CFAP36: variants seen among roughly 807,000 people sequenced by gnomAD.
The protein encoded by CFAP36 is cilia and flagella associated protein 36.
A neutral mutation model predicts 50.5 loss-of-function variants in CFAP36; 37 were observed. The ratio of observed to expected loss-of-function variants is 0.73; its 90% CI spans 0.56 to 0.96. The LOEUF is 0.96. Ranked by LOEUF, CFAP36 falls within the 50% of genes least tolerant of loss-of-function variation. The probability of loss-of-function intolerance (pLI) is 0.00; values close to 1 mark genes in which losing one functional copy is unlikely to be tolerated. For synonymous variants in CFAP36, 138 were observed against 128.2 expected (o/e 1.08, Z -0.52); for missense variants, 407 against 396.2 (o/e 1.03, Z -0.23).
intron 7 of CFAP36, chr2:55,538,815 G>A: frequency 6.5e-7 from 1 of 1,540,866 alleles, no homozygotes; most frequent in Non-Finnish European, 8.7e-7. Context: ...CTCTTCAATG[G>A]TGAAATTATG....
chr2:55,535,632 T>C, intron 5 of CFAP36, 80 bp from the exon 6 acceptor site: 1 of 1,038,240 alleles, frequency 9.6e-7, no homozygotes, highest in Non-Finnish European at 1.4e-6. Flanking sequence ...AAGCTTAGGT[T>C]AGCATGTTGC....
At chr2:55,522,838 A>G (rs1447363231) in intron 2 of CFAP36, among the ~76,000 whole-genome samples, 1 of 152,142 alleles carries the variant, frequency 6.6e-6, no homozygotes, top group African/African-American at 2.4e-5. Context: ...GCTCACACCT[A>G]TAATCCCAGC....
intron 1 of CFAP36, 89 bp from the exon 2 acceptor site, chr2:55,522,013 C>A: frequency 3.1e-6 from 2 of 648,978 alleles, no homozygotes; most frequent in Non-Finnish European, 5.5e-6. Context: ...GCTAGGTTGA[C>A]AGTTCTATTT....
chr2:55,522,139 A>C lies in CFAP36; in HGVS notation c.153A>C (p.Thr51=), dbSNP rs1289733128. The part of the protein sequence containing the change: ...DDEEESKLTY[T]EIHQEYKELV... ...AAGAAGAAAGCAAATTGACCTATAC[A>C]GAGATTCATCAGGAATACAAAGAAC... is the stretch of plus-strand genomic sequence containing the variant. Residue 51 remains threonine, a synonymous_variant, in exon 2 of 10, where the codon ACA becomes ACC. Coordinates refer to ENST00000349456, the MANE Select transcript of CFAP36 (RefSeq NM_080667.7). The C allele has an allele frequency of 6.5e-7, 1 of 1,543,264 alleles. No individual in the cohort carries two copies. The highest frequency in any genetic ancestry group is 8.9e-7 in the Non-Finnish European group (1 of 1,129,180).
chr2:55,523,625 A>G (rs1684128533), intron 2 of CFAP36, 96 bp from the exon 3 acceptor site: 1 of 704,092 alleles, frequency 1.4e-6, no homozygotes, highest in Non-Finnish European at 2.3e-6. Flanking sequence ...ATTTGCAAAA[A>G]ATTCGATGAT....
At chr2:55,522,684 C>T (rs1253513305) in intron 2 of CFAP36, among the ~76,000 whole-genome samples, 3 of 152,124 alleles carry the variant, frequency 2.0e-5, no homozygotes, top group Non-Finnish European at 4.4e-5. Context: ...TGGCGTTTCT[C>T]TGTGTTTCCC....
At chr2:55,535,887 A>G (rs746563976) in intron 6 of CFAP36, 124 bp downstream of exon 6, 3 of 1,409,528 alleles carry the variant, frequency 2.1e-6, no homozygotes, top group South Asian at 3.0e-5. Flanking sequence ...CAATGTAAAT[A>G]TTGACCAATA....
At chr2:55,521,983 T>G in intron 1 of CFAP36, 119 bp from the exon 2 acceptor site, 1 of 579,850 alleles carries the variant, frequency 1.7e-6, no homozygotes, top group Admixed American at 3.3e-5. Flanking sequence ...AGATAAACCC[T>G]AAGAATTCAA....
chr2:55,522,007 G>T, intron 1 of CFAP36, 95 bp from the exon 2 acceptor site: 4 of 637,220 alleles, frequency 6.3e-6, no homozygotes, highest in Non-Finnish European at 1.1e-5. Context: ...TGAAGAGCTA[G>T]GTTGACAGTT....
At chr2:55,521,563 G>A (rs1052415654) in intron 1 of CFAP36, among the ~76,000 whole-genome samples, 1 of 150,530 alleles carries the variant, frequency 6.6e-6, no homozygotes, top group East Asian at 1.9e-4. Flanking sequence ...TCTCAAGTAG[G>A]CAAAAAAGCT....
At chr2:55,544,184 T>C in intron 8 of CFAP36, 36 bp from the exon 9 acceptor site, 2 of 1,608,382 alleles carry the variant, frequency 1.2e-6, no homozygotes, top group Non-Finnish European at 1.7e-6. Context: ...CTAAATGGAT[T>C]TGAATTTAGA....
At chr2:55,523,872 G>T in intron 3 of CFAP36, 50 bp downstream of exon 3, 1 of 1,155,828 alleles carries the variant, frequency 8.7e-7, no homozygotes, top group Non-Finnish European at 1.2e-6. Flanking sequence ...CAAATGCCCA[G>T]GGTTAAACAC....
chr2:55,538,825 G>A (rs965808534), intron 7 of CFAP36: 1 of 1,538,102 alleles, frequency 6.5e-7, no homozygotes, highest in Non-Finnish European at 8.7e-7. Flanking sequence ...GTGAAATTAT[G>A]ACTTACCTTG....
intron 4 of CFAP36, among the ~76,000 whole-genome samples, chr2:55,529,920 C>T (rs182832290): frequency 6.1e-4 from 93 of 152,232 alleles, no homozygotes; most frequent in African/African-American, 1.8e-3. Context: ...TGGCCGGAAG[C>T]AGTGGTTCTT....
intron 7 of CFAP36, 144 bp from the exon 8 acceptor site, chr2:55,543,794 G>A: frequency 1.3e-6 from 1 of 796,072 alleles, no homozygotes; most frequent in Middle Eastern, 3.8e-4. Flanking sequence ...GGCTGGCACA[G>A]TATAGGCACT....
intron 7 of CFAP36, among the ~76,000 whole-genome samples, chr2:55,541,538 G>T (rs1287679617): frequency 6.6e-6 from 1 of 152,158 alleles, no homozygotes. Context: ...AAAGGAAAGT[G>T]ATAAACTGTT....
chr2:55,536,577 A>G (rs1025683331), intron 6 of CFAP36, among the ~76,000 whole-genome samples: 4 of 151,684 alleles, frequency 2.6e-5, no homozygotes, highest in African/African-American at 4.8e-5. Context: ...CAGCCTCCCA[A>G]GTAGGTGGGA....
At chr2:55,540,416 T>C (rs968588366) in intron 7 of CFAP36, among the ~76,000 whole-genome samples, 2 of 152,170 alleles carry the variant, frequency 1.3e-5, no homozygotes, top group South Asian at 2.1e-4. Flanking sequence ...ATTATATTTA[T>C]GTGAGTTTAT....
At chr2:55,538,722 C>T in intron 7 of CFAP36, 1 of 1,473,638 alleles carries the variant, frequency 6.8e-7, no homozygotes, top group Non-Finnish European at 9.2e-7. Context: ...GGATTATAGG[C>T]ATGAGCCACT....
Sources: gnomAD v4.1 joint callset for allele counts (sites outside exome capture counted in the v4.1 genomes callset) on GRCh38, gnomAD v4.1.1 for gene constraint, MANE v1.5 for transcripts, NCBI Gene and HGNC (gene_info 2026-07-23, HGNC 2026-07-21) for gene names.